LFNG: variants seen among roughly 807,000 people sequenced by gnomAD.
The protein encoded by LFNG is LFNG O-fucosylpeptide 3-beta-N-acetylglucosaminyltransferase.
In LFNG, 15 loss-of-function variants were observed where a neutral mutation model predicts 32.7. The observed-to-expected ratio is 0.46, with a 90% CI of 0.31 to 0.71. The LOEUF is 0.71. LFNG is among the 30% of genes least tolerant of loss of function. The pLI is 0.06. For missense variants in LFNG, 520 were observed against 545.7 expected, an observed-to-expected ratio of 0.95 and a Z score of 0.47; for synonymous variants, 274 against 246.8, an observed-to-expected ratio of 1.11 and a Z score of -1.03.
chr7:2,526,798 C>A lies in LFNG; in HGVS notation c.988-38C>A. 2 of 1,589,310 alleles carry A rather than the reference C, an allele frequency of 1.3e-6. No homozygotes were observed. Among genetic ancestry groups the A allele is most frequent in the Non-Finnish European group, 1.7e-6 (2 of 1,159,856 alleles). On this transcript the variant is annotated intron_variant, in intron 6 of 7. Transcript: ENST00000222725. The surrounding 1 kb of genome is among the most constrained non-coding windows in gnomAD (Gnocchi z 6.9). ...AGCCTGGGGCGGGGCCCAGGGATGT[C>A]GGGCCCCTCCCGGCATCACTCCGCC...
At chr7:2,512,617 C>T in exon 1 of LFNG, 1 of 1,608,606 alleles carries the variant, frequency 6.2e-7, no homozygotes, top group Non-Finnish European at 8.5e-7. Flanking sequence ...CTCGCAGCTT[C>T]CTCCCTCCCT....
upstream of LFNG, chr7:2,513,079 C>T (rs372236698): frequency 7.7e-6 from 11 of 1,433,704 alleles, no homozygotes; most frequent in South Asian, 6.0e-5. Flanking sequence ...GGTTCTCCCT[C>T]GTCTGGGCCC....
upstream of LFNG, among the ~76,000 whole-genome samples, chr7:2,519,111 C>A (rs148372344): frequency 1.1e-3 from 174 of 152,308 alleles, no homozygotes; most frequent in African/African-American, 4.0e-3. Context: ...AGCCAACCCT[C>A]CCGACGGAGG....
chr7:2,525,306 A>T lies in LFNG; in HGVS notation c.569A>T (p.Glu190Val), dbSNP rs778565319. 11 of 1,612,898 alleles carry T rather than the reference A, an allele frequency of 6.8e-6. No homozygotes were observed. The highest frequency in any genetic ancestry group is 9.3e-6 in the Non-Finnish European group (11 of 1,179,880). The change falls in exon 3 of 8, where the codon GAG becomes GTG. Residue 190 changes from glutamate (E) to valine (V), a missense_variant. This residue lies in a region of LFNG where 360 missense variants were observed against 354.7 expected (regional missense o/e 1.01). Coordinates refer to ENST00000222725, the MANE Select transcript of LFNG (RefSeq NM_001040167.2). ...GCCGTGGAGTATGACCGCTTCATCGAGTCCGGCAGGAAGTGAGTGTGGCCC... is the reference window on the plus strand; with the variant it reads ...GCCGTGGAGTATGACCGCTTCATCGTGTCCGGCAGGAAGTGAGTGTGGCCC... ...KMAVEYDRFIESGRKWFCHVD... is the reference protein window; with the variant it reads ...KMAVEYDRFIVSGRKWFCHVD...
chr7:2,517,234 G>T (rs1474178188), upstream of LFNG, among the ~76,000 whole-genome samples: 1 of 152,140 alleles, frequency 6.6e-6, no homozygotes, highest in Non-Finnish European at 1.5e-5. Flanking sequence ...ACCTCAAGAA[G>T]TCACCACGAA....
Position 2,520,200 on chromosome 7 carries a change from A to T in LFNG, c.339A>T (p.Arg113=), listed in dbSNP as rs1407111340. Residue 113 remains arginine (R), a synonymous_variant, in exon 1 of 8, where the codon CGA becomes CGT. Transcript: ENST00000222725. This position sits in a 1 kb window ranked among gnomAD's most constrained non-coding sequence, Gnocchi z 5.0. ...PRPLAEPLAP[R]DVFIAVKTTK... ...CCCTGGCCGAGCCGCTCGCGCCCCG[A>T]GACGTCTTCATCGCTGTCAAGACCA... 1 of 1,595,080 alleles carries T rather than the reference A, an allele frequency of 6.3e-7. No individual in the cohort carries two copies. The highest frequency in any genetic ancestry group is 1.7e-5 in the Admixed American group (1 of 58,754).
Position 2,527,339 on chromosome 7 carries a change from T to TGTGC in LFNG, c.*130_*131insCGTG, listed in dbSNP as rs758371551. ...CCGTGCCTGTGCGTGTGCGTGTGCG[T>TGTGC]GTGTGTGTGTGTGTACTGCATGCCC... is the stretch of plus-strand genomic sequence containing the variant. On this transcript the variant is annotated 3_prime_UTR_variant, in exon 8 of 8. Transcript: ENST00000222725. This position sits in a 1 kb window ranked among gnomAD's most constrained non-coding sequence, Gnocchi z 4.4. 6.8e-4 allele frequency: 642 copies of TGTGC among 940,578 alleles called. No individual in the cohort carries two copies. Among genetic ancestry groups the TGTGC allele is most frequent in the Admixed American group, 1.2e-3 (38 of 31,186 alleles). The allele number at this position is 940,578 out of a possible 1,614,324, so 58.3% of individuals were successfully genotyped here. A position where few individuals can be genotyped will look rare whatever the true frequency, so the allele number is the denominator to read the frequency against.
In LFNG at chr7:2,525,623, G is replaced by C. The variant is rs1006743981; in HGVS notation, c.735+56G>C. 23 of 1,611,820 alleles carry C rather than the reference G, an allele frequency of 1.4e-5. No individual in the cohort carries two copies. The African/African-American group carries it at 2.8e-4, about 20-fold the overall frequency. On this transcript the variant is annotated intron_variant, in intron 4 of 7. Coordinates refer to ENST00000222725, the MANE Select transcript of LFNG (RefSeq NM_001040167.2). ...CCCACGCGGAGCGCACACCCGGAGT[G>C]GGGGTGGGACCGTGAGGGGCAGCAG...
In LFNG at chr7:2,525,406, G is replaced by C. The variant is rs774767758; in HGVS notation, c.582-8G>C. On this transcript the variant is annotated splice_region_variant and splice_polypyrimidine_tract_variant and intron_variant, in intron 3 of 7. Coordinates refer to ENST00000222725, the MANE Select transcript of LFNG (RefSeq NM_001040167.2). ...TGCCCTCCCCCGATGGCCCTGCCTTGTCCTCAGGTGGTTCTGCCACGTGGA... is the reference window on the plus strand; with the variant it reads ...TGCCCTCCCCCGATGGCCCTGCCTTCTCCTCAGGTGGTTCTGCCACGTGGA... 6.2e-7 allele frequency: 1 copy of C among 1,612,842 alleles called. No individual in the cohort carries two copies. Among genetic ancestry groups the C allele is most frequent in the South Asian group, 1.1e-5 (1 of 91,060 alleles).
At position 2,526,526 on chromosome 7, in the gene LFNG, C is replaced by CCA; in HGVS notation, c.987+119_987+120dup. ...CTAAACAGGGAGGCCAGGCAGCACT[C>CCA]CACTGTCAGCCAGGGGGGGTCACTC... On this transcript the variant is annotated intron_variant, in intron 6 of 7. Coordinates refer to ENST00000222725, the MANE Select transcript of LFNG (RefSeq NM_001040167.2). This position sits in a 1 kb window ranked among gnomAD's most constrained non-coding sequence, Gnocchi z 6.9. 2 of 1,129,318 alleles carry CCA rather than the reference C, an allele frequency of 1.8e-6. No homozygotes were observed. Among genetic ancestry groups the CCA allele is most frequent in the Non-Finnish European group, 2.6e-6 (2 of 779,048 alleles). The allele number at this position is 1,129,318 out of a possible 1,614,324, so 70.0% of individuals were successfully genotyped here.
In LFNG at chr7:2,512,530, G is replaced by A. The variant is rs1779520012; in HGVS notation, c.-125G>A. 8 of 817,334 alleles carry A rather than the reference G, an allele frequency of 9.8e-6. No individual in the cohort carries two copies. In the East Asian group the frequency reaches 2.1e-4, roughly 21 times the overall value. 50.6% of individuals were successfully genotyped at this position (817,334 alleles called of 1,614,324 possible). On this transcript the variant is annotated 5_prime_UTR_variant, in exon 1 of 9. Transcript: ENST00000402506. ...GCCTTCTCTCTGCAAATCCTTCCCA[G>A]ACTAAGCTGCAACACTGGCAGAGCC... is the stretch of plus-strand genomic sequence containing the variant.
At position 2,520,185 on chromosome 7, in the gene LFNG, G is replaced by C. The variant is rs767392012; in HGVS notation, c.324G>C (p.Glu108Asp). The C allele has an allele frequency of 6.4e-7, 1 of 1,572,176 alleles. No individual in the cohort carries two copies. Among genetic ancestry groups the C allele is most frequent in the South Asian group, 1.1e-5 (1 of 87,016 alleles). ...PADGHPRPLA[E>D]PLAPRDVFIA... ...ACGGCCACCCGCGCCCCCTGGCCGAGCCGCTCGCGCCCCGAGACGTCTTCA... is the reference window on the plus strand; with the variant it reads ...ACGGCCACCCGCGCCCCCTGGCCGACCCGCTCGCGCCCCGAGACGTCTTCA... Residue 108 changes from glutamate to aspartate, a missense_variant, in exon 1 of 8, where the codon GAG becomes GAC. Physicochemically the swap from Glu to Asp is conservative, Grantham distance 45 (BLOSUM62 2). Transcript: ENST00000222725. This position sits in a 1 kb window ranked among gnomAD's most constrained non-coding sequence, Gnocchi z 5.0.
In LFNG at chr7:2,526,552, C is replaced by G; in HGVS notation, c.987+143C>G. 6 of 898,612 alleles carry G rather than the reference C, an allele frequency of 6.7e-6. No individual in the cohort carries two copies. The highest frequency in any genetic ancestry group is 1.0e-5 in the Non-Finnish European group (6 of 580,758). The allele number at this position is 898,612 out of a possible 1,614,324, so 55.7% of individuals were successfully genotyped here. A position where few individuals can be genotyped will look rare whatever the true frequency, so the allele number is the denominator to read the frequency against. ...CACTGTCAGCCAGGGGGGGTCACTC[C>G]TGCCATGAGCTCAAAGCTGTTTATG... On this transcript the variant is annotated intron_variant, in intron 6 of 7. Transcript: ENST00000222725. This position sits in a 1 kb window ranked among gnomAD's most constrained non-coding sequence, Gnocchi z 6.9.
chr7:2,525,441 C>T lies in LFNG; in HGVS notation c.609C>T (p.Asn203=), dbSNP rs143930715. 9.9e-6 allele frequency: 16 copies of T among 1,612,878 alleles called. No individual in the cohort carries two copies. In the African/African-American group the frequency reaches 1.9e-4, roughly 19 times the overall value. ...RKWFCHVDDD[N]YVNLRALLRL... is the part of the protein sequence containing the mutation. ...GGTTCTGCCACGTGGACGATGACAA[C>T]TACGTCAACCTGCGGGCCCTGCTGC... is the stretch of plus-strand genomic sequence containing the variant. The change falls in exon 4 of 8, where the codon AAC becomes AAT. Residue 203 remains asparagine, a synonymous_variant. Transcript: ENST00000222725.
At position 2,528,154 on chromosome 7, in the gene LFNG, T is replaced by C; in HGVS notation, c.*942T>C. 1.0e-6 allele frequency: 1 copy of C among 985,750 alleles called. No individual in the cohort carries two copies. Among genetic ancestry groups the C allele is most frequent in the Non-Finnish European group, 1.2e-6 (1 of 829,918 alleles). 61.1% of individuals were successfully genotyped at this position (985,750 alleles called of 1,614,324 possible). ...CAGAAGCCAAACTCGGGGTCATCTT[T>C]GTTTTTAAAGCTGAAGTGGGACTGT... On this transcript the variant is annotated 3_prime_UTR_variant, in exon 8 of 8. Transcript: ENST00000222725.
chr7:2,512,580 C>G, exon 1 of LFNG: 1 of 1,332,348 alleles, frequency 7.5e-7, no homozygotes, highest in African/African-American at 1.4e-5. Context: ...GGAGGGAGGA[C>G]AGAGGCCAAG....
chr7:2,527,328 G>T lies in LFNG; in HGVS notation c.*116G>T. On this transcript the variant is annotated 3_prime_UTR_variant, in exon 8 of 8. Transcript: ENST00000222725. The surrounding 1 kb of genome is among the most constrained non-coding windows in gnomAD (Gnocchi z 4.4). ...CTCCCCTAGGGCCGTGCCTGTGCGT[G>T]TGCGTGTGCGTGTGTGTGTGTGTGT... The T allele has an allele frequency of 6.5e-7, 1 of 1,528,860 alleles. No individual in the cohort carries two copies. The highest frequency in any genetic ancestry group is 1.2e-5 in the South Asian group (1 of 84,380). The allele number at this position is 1,528,860 out of a possible 1,614,324, so 94.7% of individuals were successfully genotyped here.
Position 2,527,078 on chromosome 7 carries a change from G to C in LFNG, c.1074-68G>C. The C allele has an allele frequency of 1.3e-6, 2 of 1,524,638 alleles. No homozygotes were observed. The allele number at this position is 1,524,638 out of a possible 1,614,324, so 94.4% of individuals were successfully genotyped here. On this transcript the variant is annotated intron_variant, in intron 7 of 7. Coordinates refer to ENST00000222725, the MANE Select transcript of LFNG (RefSeq NM_001040167.2). This position sits in a 1 kb window ranked among gnomAD's most constrained non-coding sequence, Gnocchi z 4.4. ...TCGGGGTGGGGCCGCCAGTGTTGTG[G>C]GACTGCAAATGGGAGCTCAGCACCT...
At position 2,527,395 on chromosome 7, in the gene LFNG, C is replaced by T; in HGVS notation, c.*183C>T. The T allele has an allele frequency of 6.7e-7, 1 of 1,484,066 alleles. No homozygotes were observed. Among genetic ancestry groups the T allele is most frequent in the Non-Finnish European group, 8.9e-7 (1 of 1,118,130 alleles). 91.9% of individuals were successfully genotyped at this position (1,484,066 alleles called of 1,614,324 possible). On this transcript the variant is annotated 3_prime_UTR_variant, in exon 8 of 8. Coordinates refer to ENST00000222725, the MANE Select transcript of LFNG (RefSeq NM_001040167.2). This position sits in a 1 kb window ranked among gnomAD's most constrained non-coding sequence, Gnocchi z 4.4. ...GGTAGCAGGCTGCTGGGCAGTTCTG[C>T]TCTGTGGAGGGGCGGGCACCAGCGC... is the stretch of plus-strand genomic sequence containing the variant.
Sources: gnomAD v4.1 joint callset for allele counts (sites outside exome capture counted in the v4.1 genomes callset) on GRCh38, gnomAD v4.1.1 for gene constraint, gnomAD v4.1.1 regional missense constraint, Gnocchi (gnomAD v3.1) non-coding constraint, MANE v1.5 for transcripts, NCBI Gene and HGNC (gene_info 2026-07-23, HGNC 2026-07-21) for gene names.